TMEM37: variants seen among roughly 807,000 people sequenced by gnomAD.
TMEM37 encodes the protein transmembrane protein 37.
TMEM37 carries 12 observed loss-of-function variants against 11.0 expected under a neutral mutation model. That is an observed-to-expected ratio of 1.09 (90% CI 0.70 to 1.76). The LOEUF is 1.76. Ranked by LOEUF, TMEM37 falls within the 40% of genes most tolerant of loss-of-function variation. The pLI is 0.00. For synonymous variants in TMEM37, 127 were observed against 110.5 expected, an observed-to-expected ratio of 1.15 and a Z score of -0.94; for missense variants, 203 against 251.2, an observed-to-expected ratio of 0.81 and a Z score of 1.30.
In TMEM37 at chr2:119,437,113, C is replaced by T. The variant is rs149498503; in HGVS notation, c.246C>T (p.Pro82=). The T allele has an allele frequency of 8.9e-5, 143 of 1,613,890 alleles. No homozygotes were observed. The highest frequency in any genetic ancestry group is 1.0e-4 in the Non-Finnish European group (123 of 1,179,984). The change falls in exon 2 of 2, where the codon CCC becomes CCT. Residue 82 remains proline (P), a synonymous_variant. Coordinates refer to ENST00000306406, the MANE Select transcript of TMEM37 (RefSeq NM_183240.3). ...GAGACCTGGGCCAGGCCCATGTGCC[C>T]GGGCTGGCCGTGGGCATGGGCCTGG... ...CFRDLGQAHV[P]GLAVGMGLVR...
chr2:119,436,079 G>C (rs905739893), intron 1 of TMEM37, among the ~76,000 whole-genome samples: 1 of 152,182 alleles, frequency 6.6e-6, no homozygotes, highest in Admixed American at 6.5e-5. Context: ...GTCAGGGCTT[G>C]GGTGCAGTGC....
At position 119,437,146 on chromosome 2, in the gene TMEM37, C is replaced by T. The variant is rs370367562; in HGVS notation, c.279C>T (p.Ser93=). 3.1e-4 allele frequency: 507 copies of T among 1,614,094 alleles called. No individual in the cohort carries two copies. The highest frequency in any genetic ancestry group is 3.9e-4 in the Non-Finnish European group (465 of 1,180,046). ...GLAVGMGLVR[S]VGALAVVAAI... ...CCGTGGGCATGGGCCTGGTACGCAGCGTGGGCGCCTTGGCCGTGGTGGCCG... is the reference window on the plus strand; with the variant it reads ...CCGTGGGCATGGGCCTGGTACGCAGTGTGGGCGCCTTGGCCGTGGTGGCCG... The change falls in exon 2 of 2, where the codon AGC becomes AGT. Residue 93 remains serine, a synonymous_variant. Coordinates refer to ENST00000306406, the MANE Select transcript of TMEM37 (RefSeq NM_183240.3).
rs1307375381 is a variant in TMEM37 at position 119,437,513 on chromosome 2, A to G, written c.*73A>G. 2.0e-6 allele frequency: 3 copies of G among 1,533,544 alleles called. No individual in the cohort carries two copies. Among genetic ancestry groups the G allele is most frequent in the South Asian group, 1.3e-5 (1 of 78,050 alleles). 95.0% of individuals were successfully genotyped at this position (1,533,544 alleles called of 1,614,324 possible). A position where few individuals can be genotyped will look rare whatever the true frequency, so the allele number is the denominator to read the frequency against. The stretch of plus-strand genomic sequence containing the variant: ...AATATGGTCAAAATGGGACTTTTCC[A>G]GCATGTGGCCTCTGGTGGGGCTGGG... On this transcript the variant is annotated 3_prime_UTR_variant, in exon 2 of 2. Coordinates refer to ENST00000306406, the MANE Select transcript of TMEM37 (RefSeq NM_183240.3).
At position 119,437,186 on chromosome 2, in the gene TMEM37, G is replaced by T; in HGVS notation, c.319G>T (p.Glu107Ter). The stretch of plus-strand genomic sequence containing the variant: ...CGTGGTGGCCGCCATTTTTGGCCTG[G>T]AGTTCCTCATGGTGTCCCAGTTGTG... ...LAVVAAIFGL[E>*]FLMVSQLCED... is the part of the protein sequence containing the mutation. Residue 107 changes from glutamate (E) to a stop codon, truncating the protein, a stop_gained, in exon 2 of 2, where the codon GAG becomes TAG. Coordinates refer to ENST00000306406, the MANE Select transcript of TMEM37 (RefSeq NM_183240.3). LOFTEE classifies it high-confidence loss of function. The T allele has an allele frequency of 6.2e-7, 1 of 1,614,250 alleles. No individual in the cohort carries two copies. The highest frequency in any genetic ancestry group is 8.5e-7 in the Non-Finnish European group (1 of 1,180,056).
chr2:119,437,664 C>G lies in TMEM37; in HGVS notation c.*224C>G. The G allele has an allele frequency of 1.7e-6, 1 of 596,238 alleles. No individual in the cohort carries two copies. Among genetic ancestry groups the G allele is most frequent in the Non-Finnish European group, 2.9e-6 (1 of 340,018 alleles). The allele number at this position is 596,238 out of a possible 1,614,324, so 36.9% of individuals were successfully genotyped here. A position where few individuals can be genotyped will look rare whatever the true frequency, so the allele number is the denominator to read the frequency against. On this transcript the variant is annotated 3_prime_UTR_variant, in exon 2 of 2. Transcript: ENST00000306406. ...GGCCAGGAGGGTGCCTCAGTGCCAC[C>G]AACTGCACAGGCTTAGCCAGATGTT...
Position 119,436,973 on chromosome 2 carries a change from C to T in TMEM37, c.106C>T (p.Leu36=). The change falls in exon 2 of 2, where the codon CTG becomes TTG. Residue 36 remains leucine, a synonymous_variant. Coordinates refer to ENST00000306406, the MANE Select transcript of TMEM37 (RefSeq NM_183240.3). ...IRTLIITCVA[L]AVVLSSVSIC... ...GACCCTCATCATCACGTGTGTGGCCCTGGCTGTGGTCCTGTCCTCGGTCTC... is the reference window on the plus strand; with the variant it reads ...GACCCTCATCATCACGTGTGTGGCCTTGGCTGTGGTCCTGTCCTCGGTCTC... The T allele has an allele frequency of 1.2e-6, 2 of 1,614,268 alleles. No homozygotes were observed. The highest frequency in any genetic ancestry group is 1.7e-6 in the Non-Finnish European group (2 of 1,180,056).
rs141771257 is a variant in TMEM37, at chr2:119,436,916, C to A, written c.49C>A (p.Pro17Thr). 126 of 1,613,892 alleles carry A rather than the reference C, an allele frequency of 7.8e-5. 1 individual carries two copies. The African/African-American group carries it at 1.6e-3, about 20-fold the overall frequency. The change falls in exon 2 of 2, where the codon CCC (proline) becomes ACC (threonine). Residue 17 changes from proline (P) to threonine (T), a missense_variant. By Grantham distance (38) the Pro-to-Thr change is conservative. Coordinates refer to ENST00000306406, the MANE Select transcript of TMEM37 (RefSeq NM_183240.3). ...CCAGAGGCCTTTGGGCCAAAGGCAG[C>A]CCCGCCGGTCCTTCTTTGAATCCTT... Reference protein sequence around the residue: ...QAQRPLGQRQPRRSFFESFIR... With the variant: ...QAQRPLGQRQTRRSFFESFIR...
At chr2:119,432,042 C>A (rs1682410508) in intron 1 of TMEM37, 118 bp downstream of exon 1, 3 of 691,388 alleles carry the variant, frequency 4.3e-6, no homozygotes, top group South Asian at 7.6e-5. Flanking sequence ...GCTGGGGGTG[C>A]GAGCGCCCCC....
upstream of TMEM37, chr2:119,430,170 G>C (rs79273155): frequency 7.8e-3 from 4,945 of 636,620 alleles, 172 homozygotes; most frequent in African/African-American, 0.079. Context: ...TGGGGGCCAC[G>C]GAGGGAAGGC....
chr2:119,436,635 A>G (rs1278131452), intron 1 of TMEM37, among the ~76,000 whole-genome samples: 2 of 152,178 alleles, frequency 1.3e-5, no homozygotes, highest in Non-Finnish European at 1.5e-5. Flanking sequence ...CCCACTCTGA[A>G]GATCACAAAA....
intron 1 of TMEM37, among the ~76,000 whole-genome samples, chr2:119,436,540 C>G (rs978564248): frequency 3.9e-5 from 6 of 152,254 alleles, no homozygotes; most frequent in African/African-American, 1.4e-4. Flanking sequence ...AGGCAGGCTG[C>G]ATGCTCAAGG....
chr2:119,434,565 C>A lies in TMEM37; in HGVS notation c.22-2324C>A, dbSNP rs113235440. Among the ~76,000 whole-genome samples the A allele has an allele frequency of 4.1e-3, 630 of 152,076 alleles. 5 individuals carry two copies. The highest frequency in any genetic ancestry group is 0.014 in the African/African-American group (601 of 41,454). ...AGGAAGGGGATGCAGAGCCAGCCTG[C>A]TCAGCTTCCCTGCCCACCCGGCTTC... is the stretch of plus-strand genomic sequence containing the variant. On this transcript the variant is annotated intron_variant, in intron 1 of 1. Transcript: ENST00000306406.
At chr2:119,431,261 GT>G (rs1232413622), upstream of TMEM37, among the ~76,000 whole-genome samples, 3 of 152,220 alleles carry the variant, frequency 2.0e-5, no homozygotes, top group Non-Finnish European at 2.9e-5. Flanking sequence ...AGGAAACAGG[GT>G]TTTACATCCC....
chr2:119,435,266 C>A (rs1682475009), intron 1 of TMEM37, among the ~76,000 whole-genome samples: 1 of 111,666 alleles, frequency 9.0e-6, no homozygotes. Flanking sequence ...TTGCTGGGCT[C>A]TTTGACCACA....
intron 1 of TMEM37, among the ~76,000 whole-genome samples, chr2:119,436,528 C>T (rs1221222046): frequency 1.3e-5 from 2 of 152,030 alleles, no homozygotes; most frequent in Non-Finnish European, 2.9e-5. Flanking sequence ...ACAAAGAAAC[C>T]GAGGCAGGCT....
upstream of TMEM37, chr2:119,430,149 G>A (rs897246184): frequency 1.2e-5 from 8 of 664,062 alleles, no homozygotes; most frequent in Non-Finnish European, 7.9e-6. Flanking sequence ...CTTGACTGGG[G>A]AGAAAGCAGG....
Position 119,431,943 on chromosome 2 carries a change from G to A in TMEM37, c.21+19G>A, listed in dbSNP as rs1682407019. 5 of 1,223,876 alleles carry A rather than the reference G, an allele frequency of 4.1e-6. No individual in the cohort carries two copies. Among genetic ancestry groups the A allele is most frequent in the Non-Finnish European group, 5.1e-6 (5 of 982,452 alleles). 75.8% of individuals were successfully genotyped at this position (1,223,876 alleles called of 1,614,324 possible). On this transcript the variant is annotated intron_variant, in intron 1 of 1. Transcript: ENST00000306406. Reference sequence around the variant, plus strand: ...CGTGCAGGTAGCCGGCGCCTGGCGGGGCGCTGACCCGGGGTGCTGCCCCGC... The same window carrying A: ...CGTGCAGGTAGCCGGCGCCTGGCGGAGCGCTGACCCGGGGTGCTGCCCCGC...
intron 1 of TMEM37, among the ~76,000 whole-genome samples, chr2:119,432,909 A>G (rs954396333): frequency 5.9e-5 from 9 of 152,044 alleles, no homozygotes; most frequent in African/African-American, 1.5e-4. Flanking sequence ...AACGGGAGAA[A>G]CCCCACCCAC....
At chr2:119,431,693 G>C (rs1040507205), upstream of TMEM37, among the ~76,000 whole-genome samples, 3 of 146,934 alleles carry the variant, frequency 2.0e-5, no homozygotes, top group Admixed American at 6.7e-5. Context: ...TCCTCCGGCC[G>C]CCCTCGCTGA....
Sources: allele counts gnomAD v4.1 joint callset (sites outside exome capture counted in the v4.1 genomes callset), GRCh38; gene constraint gnomAD v4.1.1; transcripts MANE v1.5; gene names NCBI Gene and HGNC (gene_info 2026-07-23, HGNC 2026-07-21).